Variants in FBXO41 observed in about 807,000 individuals in gnomAD.
The protein encoded by FBXO41 is F-box protein 41, also known as F-box only protein 41.
A neutral mutation model predicts 81.6 loss-of-function variants in FBXO41; 33 were observed. The observed-to-expected ratio is 0.40, with a 90% CI of 0.31 to 0.54. The LOEUF (loss-of-function observed/expected upper bound fraction) is 0.54. FBXO41 is among the 20% of genes least tolerant of loss of function. The pLI, the probability that FBXO41 is intolerant of heterozygous loss-of-function variation, is 0.39. For missense variants in FBXO41, 1,107 were observed against 1,236.0 expected (o/e 0.90, Z 1.56); for synonymous variants, 576 against 552.7 (o/e 1.04, Z -0.59).
chr2:73,273,105 T>G, intron 1 of FBXO41: 1 of 152,192 alleles, frequency 6.6e-6, no homozygotes, highest in East Asian at 1.9e-4. Flanking sequence ...GCTATACAGT[T>G]TTCTCTCCAT....
In FBXO41 at chr2:73,255,858, C is replaced by CT. The variant is rs1235477237; in HGVS notation, c.*3123_*3124insA. ...AATTCCTGAGGGGCTGGCTCAGACT[C>CT]GAGTGTCACAGAACCAAGAAAACAG... On this transcript the variant is annotated 3_prime_UTR_variant, in exon 13 of 13. Transcript: ENST00000520530. The CT allele has an allele frequency of 6.6e-6, 1 of 152,162 alleles. No individual in the cohort carries two copies. Among genetic ancestry groups the CT allele is most frequent in the Non-Finnish European group, 1.5e-5 (1 of 68,078 alleles). 9.4% of individuals were successfully genotyped at this position (152,162 alleles called of 1,614,324 possible).
In FBXO41 at chr2:73,268,793, C is replaced by A. The variant is rs1227880718; in HGVS notation, c.838G>T (p.Val280Leu). The A allele has an allele frequency of 6.3e-7, 1 of 1,582,862 alleles. No individual in the cohort carries two copies. Among genetic ancestry groups the A allele is most frequent in the Non-Finnish European group, 8.6e-7 (1 of 1,164,662 alleles). Reference protein sequence around the residue: ...SELSRQVDVSVELLASLKQDL... With the variant: ...SELSRQVDVSLELLASLKQDL... Reference sequence around the variant, plus strand: ...TGCTTGAGTGAGGCCAGCAGCTCTACGCTCACGTCCACCTGGCGGGAGAGC... The same window carrying A: ...TGCTTGAGTGAGGCCAGCAGCTCTAAGCTCACGTCCACCTGGCGGGAGAGC... Residue 280 changes from valine (V) to leucine (L), a missense_variant, in exon 2 of 13, where the codon GTA becomes TTA. Transcript: ENST00000520530.
chr2:73,260,546 C>A lies in FBXO41; in HGVS notation c.2292G>T (p.Ala764=), dbSNP rs568400647. The A allele has an allele frequency of 1.3e-6, 2 of 1,588,210 alleles. No individual in the cohort carries two copies. The highest frequency in any genetic ancestry group is 2.3e-5 in the East Asian group (1 of 43,350). ...GCGVQGLASL[A]RNCMRLQVLE... is the part of the protein sequence containing the mutation. ...GGACCTGCAGCCGCATGCAGTTTCT[C>A]GCTAGGAAGAGGAAGAAGGGGGATC... The change falls in exon 11 of 13, where the codon GCG becomes GCT. Residue 764 remains alanine (A), a splice_region_variant and synonymous_variant. Transcript: ENST00000520530. The surrounding 1 kb of genome is among the most constrained non-coding windows in gnomAD (Gnocchi z 5.0).
chr2:73,275,844 T>G (rs893803392), intron 1 of FBXO41, among the ~76,000 whole-genome samples: 1 of 152,052 alleles, frequency 6.6e-6, no homozygotes, highest in African/African-American at 2.4e-5. Context: ...TGGAGTGAAG[T>G]GGCGCAATCT....
chr2:73,276,818 T>TTA (rs1688708245), intron 1 of FBXO41, among the ~76,000 whole-genome samples: 1 of 152,140 alleles, frequency 6.6e-6, no homozygotes, highest in Non-Finnish European at 1.5e-5. Context: ...AATAGACTAA[T>TTA]AACTATAGAC....
chr2:73,263,076 A>G, intron 9 of FBXO41, 137 bp downstream of exon 9: 1 of 664,716 alleles, frequency 1.5e-6, no homozygotes, highest in Non-Finnish European at 2.5e-6. Context: ...CCTGCTCCTA[A>G]TGCCTCAATG....
At chr2:73,282,680 G>A (rs192018791) in intron 1 of FBXO41, among the ~76,000 whole-genome samples, 5 of 152,256 alleles carry the variant, frequency 3.3e-5, no homozygotes, top group Admixed American at 6.5e-5. Context: ...TCCAGCCTTC[G>A]TGACAGAGCA....
chr2:73,268,855 C>T lies in FBXO41; in HGVS notation c.776G>A (p.Gly259Glu). Residue 259 changes from glycine (G) to glutamate (E), a missense_variant, in exon 2 of 13, where the codon GGG (glycine) becomes GAG (glutamate). This residue lies in a region of FBXO41 where 771 missense variants were observed against 789.2 expected (regional missense o/e 0.98). Transcript: ENST00000520530. ...CTCCTCCAGCTCCTCCTTCTCGCGC[C>T]CGAGCCTCGCACTCTCCTGCCGCGC... ...ETARQESARLGREKEELEERA... is the reference protein window; with the variant it reads ...ETARQESARLEREKEELEERA... 1 of 1,568,122 alleles carries T rather than the reference C, an allele frequency of 6.4e-7. No individual in the cohort carries two copies. Among genetic ancestry groups the T allele is most frequent in the Non-Finnish European group, 8.6e-7 (1 of 1,158,498 alleles).
intron 1 of FBXO41, chr2:73,270,722 T>C (rs1398513399): frequency 6.0e-6 from 3 of 501,946 alleles, no homozygotes; most frequent in Admixed American, 2.0e-5. Context: ...CCACCAATTC[T>C]GGCATCCCAA....
chr2:73,282,576 G>A (rs1430992993), intron 1 of FBXO41, among the ~76,000 whole-genome samples: 2 of 152,128 alleles, frequency 1.3e-5, no homozygotes, highest in Non-Finnish European at 2.9e-5. Context: ...GGTGGCATAT[G>A]CCTGTGGTCC....
chr2:73,280,987 A>G (rs1250750965), intron 1 of FBXO41, among the ~76,000 whole-genome samples: 1 of 152,210 alleles, frequency 6.6e-6, no homozygotes, highest in Non-Finnish European at 1.5e-5. Flanking sequence ...TCCAAGAATC[A>G]CCTTGAATAA....
rs1688296208 is a variant in FBXO41, at chr2:73,266,777, C to T, written c.906-95G>A. 1.4e-6 allele frequency: 2 copies of T among 1,433,260 alleles called. No homozygotes were observed. The highest frequency in any genetic ancestry group is 1.5e-5 in the African/African-American group (1 of 68,670). 88.8% of individuals were successfully genotyped at this position (1,433,260 alleles called of 1,614,324 possible). On this transcript the variant is annotated intron_variant, in intron 2 of 12. Transcript: ENST00000520530. The surrounding 1 kb of genome is among the most constrained non-coding windows in gnomAD (Gnocchi z 5.3). ...TGGCCAGTGCGGGGAGACACTGGCACAGCTGCCTGCGGTGTCTGCTTATGG... is the reference window on the plus strand; with the variant it reads ...TGGCCAGTGCGGGGAGACACTGGCATAGCTGCCTGCGGTGTCTGCTTATGG...
At chr2:73,270,343 G>A (rs1160135926) in intron 1 of FBXO41, among the ~76,000 whole-genome samples, 4 of 152,182 alleles carry the variant, frequency 2.6e-5, no homozygotes, top group South Asian at 2.1e-4. Context: ...TGGTTATACA[G>A]TTGTGTACAT....
At chr2:73,281,718 C>T (rs1245461688) in intron 1 of FBXO41, among the ~76,000 whole-genome samples, 2 of 152,256 alleles carry the variant, frequency 1.3e-5, no homozygotes, top group Non-Finnish European at 2.9e-5. Flanking sequence ...TGAGAGTCTA[C>T]GTGAGACCAG....
Position 73,260,813 on chromosome 2 carries a change from A to G in FBXO41, c.2217T>C (p.Gly739=), listed in dbSNP as rs772844439. Residue 739 remains glycine (G), a synonymous_variant, in exon 10 of 13, where the codon GGT becomes GGC. Coordinates refer to ENST00000520530, the MANE Select transcript of FBXO41 (RefSeq NM_001371389.2). This position sits in a 1 kb window ranked among gnomAD's most constrained non-coding sequence, Gnocchi z 5.0. The stretch of plus-strand genomic sequence containing the variant: ...GGGCCCGCAGGTGGGGCCAACAGCG[A>G]CCAATCATCTGCAGGCAGCGGTTAC... The part of the protein sequence containing the change: ...RFSNRCLQMI[G]RCWPHLRALG... 4.5e-6 allele frequency: 7 copies of G among 1,569,862 alleles called. No homozygotes were observed. The Admixed American group carries it at 7.5e-5, about 17-fold the overall frequency.
intron 1 of FBXO41, among the ~76,000 whole-genome samples, chr2:73,277,051 C>T (rs1449519102): frequency 6.6e-6 from 1 of 152,222 alleles, no homozygotes; most frequent in Non-Finnish European, 1.5e-5. Flanking sequence ...TCTCACCATA[C>T]ACTTTTGAAG....
At chr2:73,276,713 T>G (rs1688702068) in intron 1 of FBXO41, among the ~76,000 whole-genome samples, 1 of 151,878 alleles carries the variant, frequency 6.6e-6, no homozygotes, top group South Asian at 2.1e-4. Flanking sequence ...CAGGTACAAC[T>G]CTTGGCCAAA....
At position 73,268,740 on chromosome 2, in the gene FBXO41, C is replaced by T; in HGVS notation, c.891G>A (p.Leu297=). The T allele has an allele frequency of 6.5e-7, 1 of 1,548,900 alleles. No homozygotes were observed. The highest frequency in any genetic ancestry group is 1.7e-4 in the Middle Eastern group (1 of 5,906). The stretch of plus-strand genomic sequence containing the variant: ...GGTCTACTCACTGCTGCTTGCGGCT[C>T]AGCTCCTGTTCCTTGTGCACCAGGT... ...KQDLVHKEQE[L]SRKQQEVVQI... Residue 297 remains leucine, a synonymous_variant, in exon 2 of 13, where the codon CTG becomes CTA. Transcript: ENST00000520530.
At chr2:73,270,698 G>A (rs543890012) in intron 1 of FBXO41, 98 of 455,706 alleles carry the variant, frequency 2.2e-4, no homozygotes, top group African/African-American at 1.8e-3. Flanking sequence ...TTGGCACAAG[G>A]TCCCTCCATC....
Sources: allele counts gnomAD v4.1 joint callset (sites outside exome capture counted in the v4.1 genomes callset), GRCh38; gene constraint gnomAD v4.1.1; regional missense constraint gnomAD v4.1.1; non-coding constraint Gnocchi (gnomAD v3.1); transcripts MANE v1.5; gene names NCBI Gene and HGNC (gene_info 2026-07-23, HGNC 2026-07-21).